CFAP91: variants seen among roughly 807,000 people sequenced by gnomAD.
CFAP91 encodes cilia- and flagella-associated protein 91.
In CFAP91, 85 loss-of-function variants were observed where a neutral mutation model predicts 95.9. The observed-to-expected ratio is 0.89, with a 90% confidence interval of 0.74 to 1.06. The LOEUF (loss-of-function observed/expected upper bound fraction) is 1.06. CFAP91 is among the 50% of genes least tolerant of loss of function. The pLI is 0.00. For missense variants in CFAP91, 962 were observed against 943.4 expected, an observed-to-expected ratio of 1.02 and a Z score of -0.26; for synonymous variants, 335 against 327.5, an observed-to-expected ratio of 1.02 and a Z score of -0.25.
At chr3:119,705,641 C>T (rs1379507887) in intron 1 of CFAP91, among the ~76,000 whole-genome samples, 2 of 152,190 alleles carry the variant, frequency 1.3e-5, no homozygotes, top group African/African-American at 4.8e-5. Flanking sequence ...AAATTGCAAC[C>T]CAATCTTCCT....
chr3:119,742,270 T>C (rs1339698467), intron 13 of CFAP91, among the ~76,000 whole-genome samples: 1 of 152,208 alleles, frequency 6.6e-6, no homozygotes, highest in Non-Finnish European at 1.5e-5. Context: ...GGATACACCC[T>C]GGATATATGC....
intron 6 of CFAP91, among the ~76,000 whole-genome samples, chr3:119,724,527 T>G (rs180714000): frequency 3.9e-5 from 6 of 152,226 alleles, no homozygotes; most frequent in East Asian, 1.9e-4. Context: ...AATATGTAGA[T>G]ACATATATAT....
At chr3:119,760,185 G>A (rs1443606966) in intron 17 of CFAP91, among the ~76,000 whole-genome samples, 1 of 151,698 alleles carries the variant, frequency 6.6e-6, no homozygotes, top group Non-Finnish European at 1.5e-5. Context: ...GTGAAAGGAT[G>A]AAAAAAGATA....
chr3:119,734,999 A>G (rs915081603), intron 10 of CFAP91, among the ~76,000 whole-genome samples: 5 of 152,240 alleles, frequency 3.3e-5, no homozygotes, highest in African/African-American at 1.2e-4. Flanking sequence ...TTTTTTTTAT[A>G]AATTCCATTT....
chr3:119,752,662 C>T (rs1379765188), intron 17 of CFAP91, among the ~76,000 whole-genome samples: 1 of 152,130 alleles, frequency 6.6e-6, no homozygotes, highest in Non-Finnish European at 1.5e-5. Flanking sequence ...ACACAATTTG[C>T]ATTGAATGCA....
chr3:119,704,386 G>A (rs953641571), intron 1 of CFAP91, among the ~76,000 whole-genome samples: 1 of 152,296 alleles, frequency 6.6e-6, no homozygotes, highest in Non-Finnish European at 1.5e-5. Context: ...GTCATGGACA[G>A]GAAGCGAAGT....
chr3:119,752,981 G>A (rs1016672886), intron 17 of CFAP91, among the ~76,000 whole-genome samples: 2 of 152,172 alleles, frequency 1.3e-5, no homozygotes, highest in African/African-American at 4.8e-5. Context: ...GAGAATGACA[G>A]ATGTGAGATT....
intron 5 of CFAP91, among the ~76,000 whole-genome samples, chr3:119,714,334 C>G (rs1279764206): frequency 1.2e-4 from 18 of 144,580 alleles, no homozygotes; most frequent in Non-Finnish European, 4.5e-5. Flanking sequence ...CTACTGCACT[C>G]TAACCTGGGC....
intron 8 of CFAP91, 76 bp from the exon 9 acceptor site, chr3:119,732,218 G>A (rs528200165): frequency 1.8e-6 from 2 of 1,121,982 alleles, no homozygotes; most frequent in East Asian, 5.1e-5. Flanking sequence ...AATAACACTA[G>A]CATTGGCTTA....
intron 1 of CFAP91, among the ~76,000 whole-genome samples, chr3:119,704,482 C>T (rs1299583593): frequency 1.3e-5 from 2 of 152,142 alleles, no homozygotes; most frequent in Non-Finnish European, 2.9e-5. Context: ...ACCTTATGAC[C>T]TTTCACCTTG....
intron 17 of CFAP91, among the ~76,000 whole-genome samples, chr3:119,755,354 T>G (rs2054406016): frequency 6.6e-6 from 1 of 152,184 alleles, no homozygotes; most frequent in Admixed American, 6.5e-5. Context: ...AATGTGGTAT[T>G]TGGAGACAGG....
At chr3:119,739,531 G>C in intron 12 of CFAP91, among the ~76,000 whole-genome samples, 1 of 152,122 alleles carries the variant, frequency 6.6e-6, no homozygotes, top group Admixed American at 6.5e-5. Flanking sequence ...ACAGTGTCAA[G>C]GAGAGAGACA....
At chr3:119,724,194 A>C (rs1250684729) in intron 6 of CFAP91, among the ~76,000 whole-genome samples, 2 of 151,596 alleles carry the variant, frequency 1.3e-5, no homozygotes, top group Non-Finnish European at 2.9e-5. Context: ...AGTGCTTGGC[A>C]TAATAAAAAT....
At chr3:119,740,734 A>T in intron 13 of CFAP91, 39 bp downstream of exon 13, 1 of 1,587,460 alleles carries the variant, frequency 6.3e-7, no homozygotes, top group Non-Finnish European at 8.6e-7. Context: ...TTCTTGTTAA[A>T]TTTTCTCCCT....
Position 119,744,684 on chromosome 3 carries a change from G to A in CFAP91, c.1902+488G>A, listed in dbSNP as rs897344528. On this transcript the variant is annotated intron_variant, in intron 14 of 17. Transcript: ENST00000273390. ...AAAGTTGAGAGAGGAATAAGCTTAG[G>A]GGCAGGGGAGGAATCAGGAAATCAG... is the stretch of plus-strand genomic sequence containing the variant. 5.9e-5 allele frequency among the ~76,000 whole-genome samples: 9 copies of A among 152,200 alleles called. No homozygotes were observed. In the East Asian group the frequency reaches 7.7e-4, roughly 13 times the overall value.
At chr3:119,751,151 A>G in intron 17 of CFAP91, 53 bp downstream of exon 17, 1 of 1,546,902 alleles carries the variant, frequency 6.5e-7, no homozygotes, top group Non-Finnish European at 8.7e-7. Context: ...GAAAAGCGGC[A>G]TTGTTCAGCT....
intron 14 of CFAP91, among the ~76,000 whole-genome samples, chr3:119,744,617 C>G (rs2054188287): frequency 1.3e-5 from 2 of 152,006 alleles, no homozygotes; most frequent in Admixed American, 1.3e-4. Flanking sequence ...CAGTTTCGGG[C>G]TTAAGCAGCT....
At position 119,761,073 on chromosome 3, in the gene CFAP91, C is replaced by T. The variant is rs548818887; in HGVS notation, c.*2-3979C>T. Reference sequence around the variant, plus strand: ...AAACTAGAAAAATAATAGAAAAGATCAACAAAACTAAAATTCGGTATTTTG... The same window carrying T: ...AAACTAGAAAAATAATAGAAAAGATTAACAAAACTAAAATTCGGTATTTTG... On this transcript the variant is annotated intron_variant, in intron 17 of 17. Transcript: ENST00000273390. Among the ~76,000 whole-genome samples the T allele has an allele frequency of 4.7e-5, 7 of 149,170 alleles. No individual in the cohort carries two copies. The East Asian group carries it at 1.4e-3, about 29-fold the overall frequency.
chr3:119,736,660 CT>C (rs1223345621), intron 10 of CFAP91, among the ~76,000 whole-genome samples: 1 of 152,146 alleles, frequency 6.6e-6, no homozygotes, highest in East Asian at 1.9e-4. Context: ...TTGCGTCTGG[CT>C]TCTTTCACTT....
Sources: allele counts gnomAD v4.1 joint callset (sites outside exome capture counted in the v4.1 genomes callset), GRCh38; gene constraint gnomAD v4.1.1; transcripts MANE v1.5; gene names NCBI Gene and HGNC (gene_info 2026-07-23, HGNC 2026-07-21).